The following PTPN14 variants were observed in gnomAD, a reference collection of about 807,000 sequenced individuals.
PTPN14 encodes protein tyrosine phosphatase non-receptor type 14, also known as tyrosine-protein phosphatase non-receptor type 14.
PTPN14 carries 53 observed loss-of-function variants against 126.8 expected under a neutral mutation model. The observed-to-expected ratio is 0.42, with a 90% CI of 0.34 to 0.53. The LOEUF is 0.53. PTPN14 is among the 20% of genes least tolerant of loss of function. The pLI is 0.08. For missense variants in PTPN14, 1,257 were observed against 1,552.9 expected, an observed-to-expected ratio of 0.81 and a Z score of 3.20; for synonymous variants, 630 against 599.3, an observed-to-expected ratio of 1.05 and a Z score of -0.75.
At position 214,357,725 on chromosome 1, in the gene PTPN14, T is replaced by C; in HGVS notation, c.*197A>G. The C allele has an allele frequency of 2.2e-6, 1 of 457,620 alleles. No homozygotes were observed. Among genetic ancestry groups the C allele is most frequent in the Non-Finnish European group, 4.0e-6 (1 of 252,728 alleles). The allele number at this position is 457,620 out of a possible 1,614,324, so 28.3% of individuals were successfully genotyped here. A position where few individuals can be genotyped will look rare whatever the true frequency, so the allele number is the denominator to read the frequency against. On this transcript the variant is annotated 3_prime_UTR_variant, in exon 19 of 19. Coordinates refer to ENST00000366956, the MANE Select transcript of PTPN14 (RefSeq NM_005401.5). ...GCATTATAATAATTCACAAAAGTTA[T>C]TCCAAAGGGGAAAAAAATAAATTAT...
intron 3 of PTPN14, among the ~76,000 whole-genome samples, chr1:214,419,357 C>T (rs951515004): frequency 7.2e-5 from 11 of 152,232 alleles, no homozygotes; most frequent in African/African-American, 2.4e-4. Flanking sequence ...CCCATAGGCA[C>T]GGTCAGTAGG....
intron 1 of PTPN14, among the ~76,000 whole-genome samples, chr1:214,537,966 T>C (rs1655747469): frequency 6.6e-6 from 1 of 152,224 alleles, no homozygotes; most frequent in Admixed American, 6.5e-5. Context: ...TAAAAAATTA[T>C]GAGATATTTT....
At chr1:214,358,076 G>A (rs745308253) in intron 18 of PTPN14, 26 bp from the exon 19 acceptor site, 1 of 1,610,796 alleles carries the variant, frequency 6.2e-7, no homozygotes, top group South Asian at 1.1e-5. Flanking sequence ...GAAAGCACAA[G>A]GTCCTGAGAC....
chr1:214,550,675 G>C (rs3935771), intron 1 of PTPN14, among the ~76,000 whole-genome samples: 6,774 of 152,168 alleles, frequency 0.045, 498 homozygotes, highest in African/African-American at 0.16. Flanking sequence ...CAGGAGTTCG[G>C]TGGCACCACT....
At chr1:214,465,987 C>T (rs1337716029) in intron 1 of PTPN14, among the ~76,000 whole-genome samples, 3 of 19,780 alleles carry the variant, frequency 1.5e-4, no homozygotes, top group African/African-American at 6.4e-4. Flanking sequence ...GACGGAGTCT[C>T]ACCTTGTTGC....
chr1:214,404,498 T>C (rs995816762), intron 5 of PTPN14, among the ~76,000 whole-genome samples: 18 of 152,176 alleles, frequency 1.2e-4, no homozygotes, highest in African/African-American at 4.3e-4. Context: ...CCCATTAATT[T>C]TGAAAAGCTA....
At chr1:214,424,695 CTTTGT>C (rs1042393132) in intron 3 of PTPN14, among the ~76,000 whole-genome samples, 7 of 152,064 alleles carry the variant, frequency 4.6e-5, no homozygotes, top group African/African-American at 1.4e-4. Flanking sequence ...ACCTGGCTAA[CTTTGT>C]TTTATTATTT....
At chr1:214,406,405 CAGG>C (rs1035882451) in intron 5 of PTPN14, among the ~76,000 whole-genome samples, 27 of 151,622 alleles carry the variant, frequency 1.8e-4, no homozygotes, top group Non-Finnish European at 3.4e-4. Context: ...CGCTTGAACC[CAGG>C]AGGCGGAGGT....
At chr1:214,406,450 C>T (rs1659172877) in intron 5 of PTPN14, among the ~76,000 whole-genome samples, 1 of 150,108 alleles carries the variant, frequency 6.7e-6, no homozygotes, top group Non-Finnish European at 1.5e-5. Flanking sequence ...CACCGCACTC[C>T]AGCCTGGGTG....
At chr1:214,407,973 C>A (rs1203848608) in intron 5 of PTPN14, among the ~76,000 whole-genome samples, 1 of 151,698 alleles carries the variant, frequency 6.6e-6, no homozygotes, top group African/African-American at 2.4e-5. Context: ...GCTTTCTGAA[C>A]ACCCAGGCCA....
chr1:214,363,672 T>C (rs1475785256), intron 18 of PTPN14, among the ~76,000 whole-genome samples: 1 of 152,186 alleles, frequency 6.6e-6, no homozygotes, highest in Non-Finnish European at 1.5e-5. Flanking sequence ...CATGTAATTA[T>C]TTCTGGGCCT....
rs1480142525 is a variant in PTPN14 at position 214,384,144 on chromosome 1, G to A, written c.1711C>T (p.Pro571Ser). The stretch of plus-strand genomic sequence containing the variant: ...GTGCTGGTGGCAGGTCGTGGCCGTG[G>A]GTAGGGGGGCGGTGGCCTGAAGAGA... ...NYLFRPPPPYPRPRPATSTPD... is the reference protein window; with the variant it reads ...NYLFRPPPPYSRPRPATSTPD... Residue 571 changes from proline to serine, a missense_variant, in exon 13 of 19, where the codon CCA becomes TCA. Pro to Ser is a moderately conservative substitution (Grantham distance 74). This residue lies in a region of PTPN14 where 1,021 missense variants were observed against 1,183.3 expected (regional missense o/e 0.86). Transcript: ENST00000366956. The surrounding 1 kb of genome is among the most constrained non-coding windows in gnomAD (Gnocchi z 5.3). 1 of 1,578,162 alleles carries A rather than the reference G, an allele frequency of 6.3e-7. No homozygotes were observed. Among genetic ancestry groups the A allele is most frequent in the East Asian group, 2.2e-5 (1 of 44,566 alleles).
chr1:214,473,402 C>A (rs2102665234), intron 1 of PTPN14, among the ~76,000 whole-genome samples: 1 of 152,348 alleles, frequency 6.6e-6, no homozygotes, highest in South Asian at 2.1e-4. Context: ...AACATGGTCA[C>A]CGCACTTTCT....
chr1:214,545,863 C>T (rs1454774176), intron 1 of PTPN14, among the ~76,000 whole-genome samples: 1 of 152,052 alleles, frequency 6.6e-6, no homozygotes, highest in Non-Finnish European at 1.5e-5. Context: ...GTATAGCAGA[C>T]ACTCAGATGG....
At chr1:214,376,575 T>C in intron 14 of PTPN14, 138 bp from the exon 15 acceptor site, 1 of 714,718 alleles carries the variant, frequency 1.4e-6, no homozygotes, top group African/African-American at 1.8e-5. Flanking sequence ...TTTGTCTCAT[T>C]ATCAACCATA....
intron 3 of PTPN14, among the ~76,000 whole-genome samples, chr1:214,416,640 G>A (rs1264195354): frequency 6.6e-6 from 1 of 152,202 alleles, no homozygotes; most frequent in East Asian, 1.9e-4. Context: ...AGCAAGCAGG[G>A]CTCTCTCCTG....
chr1:214,406,764 C>T (rs1397708140), intron 5 of PTPN14, among the ~76,000 whole-genome samples: 2 of 152,158 alleles, frequency 1.3e-5, no homozygotes, highest in African/African-American at 4.8e-5. Context: ...AACTCCTTTA[C>T]TACTTCATAG....
intron 1 of PTPN14, among the ~76,000 whole-genome samples, chr1:214,527,759 A>C (rs1655437189): frequency 6.6e-6 from 1 of 152,216 alleles, no homozygotes; most frequent in East Asian, 1.9e-4. Context: ...AAAATCTGTA[A>C]GGTGGTAGAG....
chr1:214,376,397 A>G lies in PTPN14; in HGVS notation c.2729T>C (p.Phe910Ser). Residue 910 changes from phenylalanine to serine, a missense_variant, in exon 15 of 19, where the codon TTC becomes TCC. By Grantham distance (155) the Phe-to-Ser change is radical. This residue lies in a region of PTPN14 where 65 missense variants were observed against 139.7 expected (regional missense o/e 0.47). Coordinates refer to ENST00000366956, the MANE Select transcript of PTPN14 (RefSeq NM_005401.5). ...CTTTGGAATTTGCTCATATTCTGTG[A>G]ACACCATTCCCTCTTCTAGTTTCTT... ...LKKKLEEGMVFTEYEQIPKKK... is the reference protein window; with the variant it reads ...LKKKLEEGMVSTEYEQIPKKK... The G allele has an allele frequency of 6.2e-7, 1 of 1,614,042 alleles. No homozygotes were observed. The highest frequency in any genetic ancestry group is 8.5e-7 in the Non-Finnish European group (1 of 1,179,922).
Sources: allele counts gnomAD v4.1 joint callset (sites outside exome capture counted in the v4.1 genomes callset), GRCh38; gene constraint gnomAD v4.1.1; regional missense constraint gnomAD v4.1.1; non-coding constraint Gnocchi (gnomAD v3.1); transcripts MANE v1.5; gene names NCBI Gene and HGNC (gene_info 2026-07-23, HGNC 2026-07-21).